RGS22: variants seen among roughly 807,000 people sequenced by gnomAD.
RGS22 encodes regulator of G-protein signaling 22.
A neutral mutation model predicts 172.9 loss-of-function variants in RGS22; 148 were observed. The observed-to-expected ratio is 0.86, with a 90% confidence interval of 0.75 to 0.98. The LOEUF (loss-of-function observed/expected upper bound fraction) is 0.98, where lower values mean the gene tolerates loss of function less well. Among genes scored for constraint, RGS22 ranks in the 50% least tolerant of loss-of-function variants. The probability of loss-of-function intolerance (pLI) is 0.00; values close to 1 mark genes in which losing one functional copy is unlikely to be tolerated. For synonymous variants in RGS22, 458 were observed against 480.2 expected (o/e 0.95, Z 0.60); for missense variants, 1,347 against 1,440.8 (o/e 0.93, Z 1.05).
intron 14 of RGS22, among the ~76,000 whole-genome samples, chr8:100,033,271 C>A (rs886527105): frequency 6.6e-6 from 1 of 151,794 alleles, no homozygotes; most frequent in African/African-American, 2.4e-5. Context: ...TAGACCAAAG[C>A]AAGACTAATA....
At chr8:100,033,496 T>C (rs918688303) in intron 14 of RGS22, among the ~76,000 whole-genome samples, 2 of 145,322 alleles carry the variant, frequency 1.4e-5, no homozygotes, top group African/African-American at 5.1e-5. Context: ...AATAGACCAA[T>C]AACAGGCTCT....
intron 14 of RGS22, among the ~76,000 whole-genome samples, chr8:100,029,551 A>C (rs904251174): frequency 6.6e-6 from 1 of 151,770 alleles, no homozygotes; most frequent in African/African-American, 2.4e-5. Context: ...AAAATACAAA[A>C]CATTAGCCAG....
chr8:99,997,505 C>T (rs1043538599), intron 19 of RGS22, among the ~76,000 whole-genome samples: 3 of 152,174 alleles, frequency 2.0e-5, no homozygotes, highest in Admixed American at 2.0e-4. Context: ...TAAATTCTGT[C>T]TTCCCAGCTG....
chr8:100,038,020 T>G (rs968282984), intron 14 of RGS22, among the ~76,000 whole-genome samples: 2 of 152,160 alleles, frequency 1.3e-5, no homozygotes, highest in Admixed American at 1.3e-4. Context: ...CGGTACACTA[T>G]GATACATCAA....
chr8:100,097,345 T>C (rs186725971), intron 2 of RGS22, among the ~76,000 whole-genome samples: 83 of 152,328 alleles, frequency 5.4e-4, no homozygotes, highest in Admixed American at 4.5e-3. Context: ...TAAACTAATA[T>C]TGAATATTAT....
chr8:100,006,924 C>G (rs897087352), intron 15 of RGS22, among the ~76,000 whole-genome samples: 1 of 151,506 alleles, frequency 6.6e-6, no homozygotes, highest in African/African-American at 2.4e-5. Flanking sequence ...AGTTATAATT[C>G]CAAATCTTTT....
intron 3 of RGS22, among the ~76,000 whole-genome samples, chr8:100,084,994 A>G (rs138253053): frequency 6.6e-6 from 1 of 152,344 alleles, no homozygotes; most frequent in Non-Finnish European, 1.5e-5. Flanking sequence ...ATCACACTTT[A>G]AAAGGGATTT....
In RGS22 at chr8:100,063,574, C is replaced by G. The variant is rs370916976; in HGVS notation, c.1194G>C (p.Ala398=). ...AAGTCCTATGAGAAATACACCAGTC[C>G]GCCCTGCTCTCTGGTCCAGCGCTCT... The part of the protein sequence containing the change: ...KNESAGPESR[A]DWCISHRTYD... The change falls in exon 8 of 28, where the codon GCG becomes GCC. Residue 398 remains alanine (A), a synonymous_variant. Transcript: ENST00000360863. The G allele has an allele frequency of 2.5e-6, 4 of 1,613,848 alleles. No individual in the cohort carries two copies. The highest frequency in any genetic ancestry group is 3.4e-6 in the Non-Finnish European group (4 of 1,179,964).
Position 100,052,981 on chromosome 8 carries a change from T to G in RGS22, c.1515-5A>C. ...GTAACACAGAATCTTGGTGCCCTGT[T>G]TATTGGAAAAATAAATGTAAGATTG... is the stretch of plus-strand genomic sequence containing the variant. On this transcript the variant is annotated splice_region_variant and splice_polypyrimidine_tract_variant and intron_variant, in intron 9 of 27. Coordinates refer to ENST00000360863, the MANE Select transcript of RGS22 (RefSeq NM_015668.5). 1 of 1,612,468 alleles carries G rather than the reference T, an allele frequency of 6.2e-7. No homozygotes were observed. The highest frequency in any genetic ancestry group is 8.5e-7 in the Non-Finnish European group (1 of 1,179,108).
intron 17 of RGS22, 37 bp from the exon 18 acceptor site, chr8:100,002,401 A>G: frequency 6.4e-7 from 1 of 1,553,620 alleles, no homozygotes; most frequent in Non-Finnish European, 8.6e-7. Context: ...AGCTCTTCAT[A>G]TTTCTTCCTC....
chr8:100,022,570 G>A (rs562522144), intron 14 of RGS22, among the ~76,000 whole-genome samples: 4 of 151,988 alleles, frequency 2.6e-5, no homozygotes, highest in Non-Finnish European at 5.9e-5. Context: ...GCAGTTTAAG[G>A]CAATCTAAGG....
At chr8:100,048,397 T>G (rs1310646077) in intron 10 of RGS22, among the ~76,000 whole-genome samples, 3 of 152,182 alleles carry the variant, frequency 2.0e-5, no homozygotes, top group Non-Finnish European at 4.4e-5. Flanking sequence ...CAGAAGTGAT[T>G]TGTCTCTTCT....
chr8:100,096,785 A>G (rs1280834996), intron 2 of RGS22, among the ~76,000 whole-genome samples: 1 of 151,790 alleles, frequency 6.6e-6, no homozygotes, highest in Non-Finnish European at 1.5e-5. Flanking sequence ...CTGGGATTAC[A>G]AGCATGAGCC....
At chr8:100,067,915 G>A (rs535820634) in intron 6 of RGS22, among the ~76,000 whole-genome samples, 5 of 152,060 alleles carry the variant, frequency 3.3e-5, no homozygotes, top group African/African-American at 4.8e-5. Flanking sequence ...GAGCCACCGC[G>A]CCCGGCCTAT....
At chr8:100,045,418 G>C (rs1820612911) in intron 11 of RGS22, among the ~76,000 whole-genome samples, 1 of 152,098 alleles carries the variant, frequency 6.6e-6, no homozygotes, top group African/African-American at 2.4e-5. Flanking sequence ...CTCCAGTCCT[G>C]CTTTTCCTCC....
intron 14 of RGS22, among the ~76,000 whole-genome samples, chr8:100,016,859 T>C (rs1345961969): frequency 6.6e-6 from 1 of 151,662 alleles, no homozygotes; most frequent in African/African-American, 2.4e-5. Context: ...GGCACATGTA[T>C]ACATATGTAA....
chr8:99,999,195 G>T, intron 19 of RGS22, 67 bp downstream of exon 19: 1 of 1,375,012 alleles, frequency 7.3e-7, no homozygotes. Context: ...GGGTCACCAG[G>T]TATGTACATT....
intron 15 of RGS22, among the ~76,000 whole-genome samples, chr8:100,007,674 A>G (rs1195021483): frequency 1.3e-5 from 2 of 152,164 alleles, no homozygotes; most frequent in Non-Finnish European, 2.9e-5. Context: ...ATATTTACTT[A>G]TTCACAGGAA....
chr8:99,995,185 C>T (rs1217164687), intron 20 of RGS22, among the ~76,000 whole-genome samples: 3 of 152,140 alleles, frequency 2.0e-5, no homozygotes, highest in African/African-American at 4.8e-5. Flanking sequence ...CTAGGCAATA[C>T]CATTCAGGAC....
Sources: gnomAD v4.1 joint callset for allele counts (sites outside exome capture counted in the v4.1 genomes callset) on GRCh38, gnomAD v4.1.1 for gene constraint, MANE v1.5 for transcripts, NCBI Gene and HGNC (gene_info 2026-07-23, HGNC 2026-07-21) for gene names.